SAMD5: variants seen among roughly 807,000 people sequenced by gnomAD.
SAMD5 encodes sterile alpha motif domain-containing protein 5.
SAMD5 carries 13 observed loss-of-function variants against 11.3 expected under a neutral mutation model. That is an observed-to-expected ratio of 1.15 (90% CI 0.75 to 1.83). SAMD5 has a LOEUF of 1.83. SAMD5 is among the 40% of genes most tolerant of loss of function. The probability of loss-of-function intolerance (pLI) is 0.00; values close to 1 mark genes in which losing one functional copy is unlikely to be tolerated. For synonymous variants in SAMD5, 129 were observed against 111.3 expected (o/e 1.16, Z -1.00); for missense variants, 255 against 239.1 (o/e 1.07, Z -0.44).
At chr6:147,516,968 A>G (rs1008713886) in intron 1 of SAMD5, among the ~76,000 whole-genome samples, 6 of 152,184 alleles carry the variant, frequency 3.9e-5, no homozygotes, top group Non-Finnish European at 8.8e-5. Flanking sequence ...AGGAAAAGCC[A>G]TATGCAACAA....
intron 1 of SAMD5, among the ~76,000 whole-genome samples, chr6:147,715,335 A>C (rs1197455842): frequency 6.6e-6 from 1 of 152,246 alleles, no homozygotes; most frequent in Non-Finnish European, 1.5e-5. Context: ...TGGTGGATGC[A>C]GCAGGGCAGG....
At chr6:147,672,678 C>T (rs564726629) in intron 1 of SAMD5, among the ~76,000 whole-genome samples, 125 of 152,018 alleles carry the variant, frequency 8.2e-4, no homozygotes, top group African/African-American at 2.8e-3. Context: ...CATCCACCTT[C>T]CACAGAGGCC....
At chr6:147,523,400 T>C (rs539633342) in intron 1 of SAMD5, among the ~76,000 whole-genome samples, 5 of 152,314 alleles carry the variant, frequency 3.3e-5, no homozygotes, top group African/African-American at 1.2e-4. Flanking sequence ...GGTACAGGAA[T>C]AGTATTTTCT....
At chr6:147,658,165 A>AAGG (rs1408562546) in intron 1 of SAMD5, among the ~76,000 whole-genome samples, 1 of 152,206 alleles carries the variant, frequency 6.6e-6, no homozygotes, top group African/African-American at 2.4e-5. Context: ...GGGTCAGTTC[A>AAGG]AGGATCTCTT....
At chr6:147,916,976 T>C in the SAMD5 span, among the ~76,000 whole-genome samples, 4 of 148,994 alleles carry the variant, frequency 2.7e-5, no homozygotes, top group East Asian at 1.9e-4. Flanking sequence ...TTTGGGTTGG[T>C]TCCAAGTCTT....
chr6:147,524,749 T>TG (rs2128440475), intron 1 of SAMD5, among the ~76,000 whole-genome samples: 1 of 152,278 alleles, frequency 6.6e-6, no homozygotes, highest in South Asian at 2.1e-4. Flanking sequence ...ATGCTGTTGG[T>TG]GGTCTCGTCA....
intron 1 of SAMD5, among the ~76,000 whole-genome samples, chr6:147,556,375 AG>A (rs1374254817): frequency 1.3e-5 from 2 of 152,226 alleles, no homozygotes; most frequent in African/African-American, 4.8e-5. Context: ...TACAGGCGTG[AG>A]CCACCGTGCC....
chr6:147,767,405 AG>A, the SAMD5 span, among the ~76,000 whole-genome samples: 13 of 151,874 alleles, frequency 8.6e-5, no homozygotes, highest in African/African-American at 3.2e-4. Flanking sequence ...TTTTACCCCC[AG>A]AATCTATCAG....
At chr6:147,756,330 A>C in the SAMD5 span, among the ~76,000 whole-genome samples, 1 of 152,188 alleles carries the variant, frequency 6.6e-6, no homozygotes, top group Non-Finnish European at 1.5e-5. Flanking sequence ...GATAGCAAAA[A>C]AAGAAATCTT....
chr6:147,562,240 A>G (rs1206550848), intron 1 of SAMD5, among the ~76,000 whole-genome samples: 1 of 152,190 alleles, frequency 6.6e-6, no homozygotes, highest in African/African-American at 2.4e-5. Flanking sequence ...TGACCTTTGA[A>G]GGAAGGCAGC....
chr6:147,769,498 T>C, the SAMD5 span, among the ~76,000 whole-genome samples: 1 of 152,218 alleles, frequency 6.6e-6, no homozygotes, highest in Non-Finnish European at 1.5e-5. Context: ...GATAATGGAA[T>C]TGGGTATAAT....
At chr6:147,744,467 A>G in the SAMD5 span, among the ~76,000 whole-genome samples, 10 of 152,336 alleles carry the variant, frequency 6.6e-5, no homozygotes, top group East Asian at 1.9e-3. Context: ...AATTGCTTAT[A>G]CTGAAAGAGA....
chr6:147,713,399 A>G (rs147877390), intron 1 of SAMD5, among the ~76,000 whole-genome samples: 169 of 152,228 alleles, frequency 1.1e-3, no homozygotes, highest in Non-Finnish European at 1.7e-3. Context: ...AAACATCTAC[A>G]TCTTGTTCTA....
the SAMD5 span, among the ~76,000 whole-genome samples, chr6:147,881,374 G>A: frequency 2.0e-5 from 3 of 152,090 alleles, no homozygotes; most frequent in East Asian, 3.9e-4. Context: ...TCCAAGCCCC[G>A]CGTCAAGGTT....
chr6:147,558,759 T>A (rs1487997531), intron 1 of SAMD5, among the ~76,000 whole-genome samples: 1 of 152,098 alleles, frequency 6.6e-6, no homozygotes, highest in Admixed American at 6.6e-5. Context: ...TCATTCCTTC[T>A]GATTTTGATG....
chr6:147,630,106 C>T (rs1453646792), intron 1 of SAMD5, among the ~76,000 whole-genome samples: 4 of 151,774 alleles, frequency 2.6e-5, no homozygotes, highest in Non-Finnish European at 5.9e-5. Flanking sequence ...TGCACTGCCA[C>T]GCCTGGCTAA....
chr6:147,895,266 T>C, the SAMD5 span, among the ~76,000 whole-genome samples: 2 of 45,888 alleles, frequency 4.4e-5, no homozygotes, highest in Non-Finnish European at 7.8e-5. Flanking sequence ...TAAAACATGA[T>C]TTTTTTTTCC....
the SAMD5 span, among the ~76,000 whole-genome samples, chr6:147,756,587 C>A: frequency 1.3e-5 from 2 of 152,110 alleles, no homozygotes; most frequent in Admixed American, 6.5e-5. Context: ...ACTTTCAGAA[C>A]AAATCAAATT....
chr6:147,884,065 G>A, the SAMD5 span, among the ~76,000 whole-genome samples: 1 of 152,094 alleles, frequency 6.6e-6, no homozygotes, highest in Non-Finnish European at 1.5e-5. Flanking sequence ...TCGTTTTTGG[G>A]TTTTGTTTTT....
Sources: gnomAD v4.1 joint callset for allele counts (sites outside exome capture counted in the v4.1 genomes callset) on GRCh38, gnomAD v4.1.1 for gene constraint, MANE v1.5 for transcripts, NCBI Gene and HGNC (gene_info 2026-07-23, HGNC 2026-07-21) for gene names.